TMEM65: variants seen among roughly 807,000 people sequenced by gnomAD.
TMEM65 encodes the protein transmembrane protein 65.
In TMEM65, 22 loss-of-function variants were observed where a neutral mutation model predicts 25.4. The observed-to-expected ratio is 0.86, with a 90% CI of 0.62 to 1.23. The LOEUF (loss-of-function observed/expected upper bound fraction) is 1.23. Among genes scored for constraint, TMEM65 ranks in the 50% most tolerant of loss-of-function variants. The pLI, the probability that TMEM65 is intolerant of heterozygous loss-of-function variation, is 0.00. For synonymous variants in TMEM65, 132 were observed against 126.2 expected (o/e 1.05, Z -0.31); for missense variants, 262 against 308.2 (o/e 0.85, Z 1.12).
rs1814107959 is a variant in TMEM65 at position 124,307,614 on chromosome 8, G to C, written c.*6346C>G. The C allele has an allele frequency of 6.6e-6, 1 of 152,100 alleles. No homozygotes were observed. The highest frequency in any genetic ancestry group is 2.1e-4 in the South Asian group (1 of 4,826). 9.4% of individuals were successfully genotyped at this position (152,100 alleles called of 1,614,324 possible). A position where few individuals can be genotyped will look rare whatever the true frequency, so the allele number is the denominator to read the frequency against. On this transcript the variant is annotated 3_prime_UTR_variant, in exon 7 of 7. Transcript: ENST00000297632. ...ACCTATAGGCTCTAATATGATTGGA[G>C]AAAAGGCGGTCATTATATGACAATT...
At chr8:124,320,996 A>G (rs1814297503) in intron 5 of TMEM65, among the ~76,000 whole-genome samples, 1 of 152,200 alleles carries the variant, frequency 6.6e-6, no homozygotes, top group African/African-American at 2.4e-5. Context: ...AAAATCTCTT[A>G]GATCATTTGG....
rs533281868 is a variant in TMEM65 at position 124,341,230 on chromosome 8, T to C, written c.305-10438A>G. Reference sequence around the variant, plus strand: ...GAAAAATGTAATTTTTGTTTGAAAGTAGAATGACTGGTCATCCCAAGATGA... The same window carrying C: ...GAAAAATGTAATTTTTGTTTGAAAGCAGAATGACTGGTCATCCCAAGATGA... On this transcript the variant is annotated intron_variant, in intron 1 of 6. Coordinates refer to ENST00000297632, the MANE Select transcript of TMEM65 (RefSeq NM_194291.3). Among the ~76,000 whole-genome samples, 228 of 152,160 alleles carry C rather than the reference T, an allele frequency of 1.5e-3. 1 individual carries two copies. The highest frequency in any genetic ancestry group is 5.4e-3 in the African/African-American group (223 of 41,564).
intron 2 of TMEM65, among the ~76,000 whole-genome samples, chr8:124,329,644 T>C (rs1466190397): frequency 6.6e-6 from 1 of 151,960 alleles, no homozygotes; most frequent in Non-Finnish European, 1.5e-5. Context: ...AATTATAATT[T>C]ATTTTAACTA....
At chr8:124,314,265 C>A (rs567730675) in intron 6 of TMEM65, among the ~76,000 whole-genome samples, 3 of 152,058 alleles carry the variant, frequency 2.0e-5, no homozygotes, top group Non-Finnish European at 4.4e-5. Flanking sequence ...TTCCTCAATC[C>A]GTACCCCTGC....
At chr8:124,329,140 T>G (rs1814402577) in intron 2 of TMEM65, among the ~76,000 whole-genome samples, 1 of 152,036 alleles carries the variant, frequency 6.6e-6, no homozygotes. Flanking sequence ...AGAATATTAT[T>G]TGTTATTAAA....
rs1027087186 is a variant in TMEM65 at position 124,312,365 on chromosome 8, TA to T, written c.*1594del. On this transcript the variant is annotated 3_prime_UTR_variant, in exon 7 of 7. Coordinates refer to ENST00000297632, the MANE Select transcript of TMEM65 (RefSeq NM_194291.3). Reference sequence around the variant, plus strand: ...GCTTTCTCTCCTCAAAGTCTATGATTAAAGGATGGCACTTATGCATTCTGAA... The same window carrying T: ...GCTTTCTCTCCTCAAAGTCTATGATTAAGGATGGCACTTATGCATTCTGAA... The T allele has an allele frequency of 6.6e-6, 1 of 151,984 alleles. No homozygotes were observed. Among genetic ancestry groups the T allele is most frequent in the African/African-American group, 2.4e-5 (1 of 41,416 alleles). 9.4% of individuals were successfully genotyped at this position (151,984 alleles called of 1,614,324 possible).
At chr8:124,366,449 C>T (rs1472193026) in intron 1 of TMEM65, among the ~76,000 whole-genome samples, 2 of 152,186 alleles carry the variant, frequency 1.3e-5, no homozygotes, top group Non-Finnish European at 2.9e-5. Context: ...TCTGACCAGA[C>T]CATCAGCCAG....
chr8:124,353,677 T>C (rs1455297616), intron 1 of TMEM65, among the ~76,000 whole-genome samples: 1 of 151,994 alleles, frequency 6.6e-6, no homozygotes, highest in African/African-American at 2.4e-5. Flanking sequence ...GAACATCTTG[T>C]GGAGTATTCA....
intron 1 of TMEM65, among the ~76,000 whole-genome samples, chr8:124,366,623 GGTT>G (rs1432126392): frequency 3.9e-5 from 6 of 151,966 alleles, no homozygotes; most frequent in Admixed American, 1.3e-4. Flanking sequence ...ATGATAGAAG[GGTT>G]GTTATTTGAA....
At chr8:124,355,284 G>T (rs1466569404) in intron 1 of TMEM65, among the ~76,000 whole-genome samples, 1 of 151,548 alleles carries the variant, frequency 6.6e-6, no homozygotes, top group African/African-American at 2.4e-5. Flanking sequence ...TAAACCAGAA[G>T]ATCTTTCTCA....
chr8:124,350,848 T>TGC (rs754372620), intron 1 of TMEM65: 7 of 203,880 alleles, frequency 3.4e-5, no homozygotes, highest in Admixed American at 1.3e-4. Flanking sequence ...ATAAATATTT[T>TGC]GCCTTTTCTT....
chr8:124,370,298 T>C (rs1268196869), intron 1 of TMEM65, among the ~76,000 whole-genome samples: 1 of 152,176 alleles, frequency 6.6e-6, no homozygotes, highest in East Asian at 1.9e-4. Context: ...TTGTTGACAA[T>C]GCAGAATTTC....
chr8:124,334,043 G>A (rs1398824946), intron 1 of TMEM65, among the ~76,000 whole-genome samples: 10 of 152,156 alleles, frequency 6.6e-5, no homozygotes, highest in African/African-American at 1.7e-4. Context: ...CAAAAATACC[G>A]ACTAAGGGCA....
chr8:124,322,430 C>T (rs1239834467), intron 4 of TMEM65, among the ~76,000 whole-genome samples: 4 of 152,054 alleles, frequency 2.6e-5, no homozygotes, highest in African/African-American at 9.7e-5. Context: ...TAGTATCTTT[C>T]ATATAATATT....
chr8:124,361,028 T>C (rs1050850752), intron 1 of TMEM65, among the ~76,000 whole-genome samples: 2 of 152,184 alleles, frequency 1.3e-5, no homozygotes, highest in Admixed American at 6.5e-5. Context: ...AACAAAAAAA[T>C]TGAGAAAACA....
chr8:124,370,272 C>T (rs1219719883), intron 1 of TMEM65, among the ~76,000 whole-genome samples: 7 of 152,074 alleles, frequency 4.6e-5, no homozygotes, highest in Admixed American at 4.6e-4. Flanking sequence ...TTCATAGGGC[C>T]CTCCAATCTT....
At chr8:124,347,054 G>A (rs971887551) in intron 1 of TMEM65, among the ~76,000 whole-genome samples, 21 of 152,016 alleles carry the variant, frequency 1.4e-4, no homozygotes, top group Non-Finnish European at 2.9e-4. Flanking sequence ...GGTTTATAAA[G>A]CAACACAGCA....
At chr8:124,357,119 C>T (rs1489950005) in intron 1 of TMEM65, among the ~76,000 whole-genome samples, 2 of 146,524 alleles carry the variant, frequency 1.4e-5, no homozygotes, top group African/African-American at 5.1e-5. Flanking sequence ...AGTTCTTGTT[C>T]TTCTTCCTGT....
At position 124,339,248 on chromosome 8, in the gene TMEM65, T is replaced by TATAA. The variant is rs1489856057; in HGVS notation, c.305-8457_305-8456insTTAT. 2.1e-3 allele frequency among the ~76,000 whole-genome samples: 222 copies of TATAA among 104,444 alleles called. 5 individuals are homozygous for TATAA. The highest frequency in any genetic ancestry group is 9.0e-3 in the African/African-American group (214 of 23,714). The allele number at this position is 104,444 out of a possible 152,430, so 68.5% of individuals were successfully genotyped here. On this transcript the variant is annotated intron_variant, in intron 1 of 6. Transcript: ENST00000297632. ...ATATATATATATATATATATATATA[T>TATAA]AAAATATTCTTGCAACAAGTAGCTG... is the stretch of plus-strand genomic sequence containing the variant.
Sources: allele counts gnomAD v4.1 joint callset (sites outside exome capture counted in the v4.1 genomes callset), GRCh38; gene constraint gnomAD v4.1.1; transcripts MANE v1.5; gene names NCBI Gene and HGNC (gene_info 2026-07-23, HGNC 2026-07-21).